ADCK1: variants seen among roughly 807,000 people sequenced by gnomAD.
The protein encoded by ADCK1 is aarF domain-containing protein kinase 1.
ADCK1 carries 41 observed loss-of-function variants against 52.3 expected under a neutral mutation model. The ratio of observed to expected loss-of-function variants is 0.78; its 90% CI spans 0.61 to 1.02. ADCK1 has a LOEUF of 1.02. Ranked by LOEUF, ADCK1 falls within the 50% of genes least tolerant of loss-of-function variation. The probability of loss-of-function intolerance (pLI) is 0.00; values close to 1 mark genes in which losing one functional copy is unlikely to be tolerated. For synonymous variants in ADCK1, 250 were observed against 274.6 expected (o/e 0.91, Z 0.89); for missense variants, 658 against 679.5 (o/e 0.97, Z 0.35).
At chr14:77,830,034 C>T (rs931294731) in intron 3 of ADCK1, among the ~76,000 whole-genome samples, 9 of 151,226 alleles carry the variant, frequency 6.0e-5, no homozygotes, top group South Asian at 2.1e-4. Context: ...GGACTCAAGG[C>T]CAGGTTTTAA....
intron 1 of ADCK1, among the ~76,000 whole-genome samples, chr14:77,815,411 T>A (rs2081426100): frequency 6.6e-6 from 1 of 151,970 alleles, no homozygotes; most frequent in Non-Finnish European, 1.5e-5. Context: ...CTCCCTTTTT[T>A]CTTCCCCAGG....
In ADCK1 at chr14:77,922,391, A is replaced by G. The variant is rs113157007; in HGVS notation, c.859-2066A>G. Among the ~76,000 whole-genome samples the G allele has an allele frequency of 2.6e-3, 403 of 152,354 alleles. 2 individuals carry two copies. Among genetic ancestry groups the G allele is most frequent in the African/African-American group, 9.3e-3 (385 of 41,584 alleles). On this transcript the variant is annotated intron_variant, in intron 7 of 10. Coordinates refer to ENST00000238561, the MANE Select transcript of ADCK1 (RefSeq NM_020421.4). ...GCAGGAGCTGGAGGGCTGGCGTGGT[A>G]GCGGGCATAGTGTCTTACATCTCTT...
intron 3 of ADCK1, among the ~76,000 whole-genome samples, chr14:77,852,881 GTGTATATA>G (rs1441085678): frequency 6.1e-4 from 18 of 29,602 alleles, no homozygotes; most frequent in South Asian, 3.0e-3. Context: ...TCTTTTATGT[GTGTATATA>G]TATATATATA....
intron 9 of ADCK1, among the ~76,000 whole-genome samples, chr14:77,930,343 G>T (rs546166363): frequency 6.6e-6 from 1 of 152,266 alleles, no homozygotes; most frequent in Admixed American, 6.5e-5. Flanking sequence ...GGAGAGGAGT[G>T]GGGTGGTAAA....
chr14:77,864,401 G>A (rs892221750), intron 4 of ADCK1, among the ~76,000 whole-genome samples: 1 of 152,222 alleles, frequency 6.6e-6, no homozygotes, highest in Non-Finnish European at 1.5e-5. Context: ...CACTGTAGGC[G>A]CAAGGACCAG....
chr14:77,916,521 T>G (rs981102939), intron 7 of ADCK1, among the ~76,000 whole-genome samples: 7 of 152,178 alleles, frequency 4.6e-5, no homozygotes, highest in Non-Finnish European at 1.0e-4. Context: ...TGGCACGATC[T>G]CAGCTCACCA....
intron 3 of ADCK1, among the ~76,000 whole-genome samples, chr14:77,844,738 G>T (rs999527086): frequency 2.6e-5 from 4 of 152,154 alleles, no homozygotes; most frequent in African/African-American, 9.7e-5. Flanking sequence ...TTGGAGTTGG[G>T]GCTAGAATTA....
At chr14:77,891,669 C>T (rs1347167856) in intron 5 of ADCK1, among the ~76,000 whole-genome samples, 1 of 152,122 alleles carries the variant, frequency 6.6e-6, no homozygotes, top group African/African-American at 2.4e-5. Context: ...GGGCTGGGAC[C>T]ACAAGGCAAA....
chr14:77,820,154 C>A (rs938072444), intron 2 of ADCK1, among the ~76,000 whole-genome samples: 3 of 152,052 alleles, frequency 2.0e-5, no homozygotes, highest in Non-Finnish European at 4.4e-5. Flanking sequence ...TTGAGGAATG[C>A]CTACATGAAT....
At chr14:77,824,548 C>T (rs113159757) in intron 3 of ADCK1, among the ~76,000 whole-genome samples, 4 of 151,688 alleles carry the variant, frequency 2.6e-5, no homozygotes, top group African/African-American at 9.7e-5. Flanking sequence ...ATTCTCCTCC[C>T]TCAGCCTCCC....
intron 3 of ADCK1, among the ~76,000 whole-genome samples, chr14:77,844,855 C>A (rs1309539668): frequency 6.6e-6 from 1 of 152,218 alleles, no homozygotes; most frequent in East Asian, 1.9e-4. Context: ...TTTGCAAACT[C>A]CACTTGATTA....
At chr14:77,819,842 T>C (rs138278614) in intron 2 of ADCK1, among the ~76,000 whole-genome samples, 149 of 152,318 alleles carry the variant, frequency 9.8e-4, no homozygotes, top group African/African-American at 3.3e-3. Context: ...CCCCTTCACG[T>C]AGATTCAATC....
chr14:77,899,036 A>G, intron 5 of ADCK1, 64 bp from the exon 6 acceptor site: 1 of 1,595,264 alleles, frequency 6.3e-7, no homozygotes, highest in South Asian at 1.1e-5. Context: ...CCAGGCAGGA[A>G]GGTAGGGAAT....
At chr14:77,855,972 C>T (rs997176553) in intron 3 of ADCK1, among the ~76,000 whole-genome samples, 2 of 152,032 alleles carry the variant, frequency 1.3e-5, no homozygotes, top group East Asian at 1.9e-4. Context: ...GGATTACACC[C>T]GCCAAGGTGG....
chr14:77,847,187 G>A (rs978658767), intron 3 of ADCK1, among the ~76,000 whole-genome samples: 17 of 152,306 alleles, frequency 1.1e-4, no homozygotes, highest in Admixed American at 9.8e-4. Context: ...GCTGATAACT[G>A]TGGTTGGAGG....
intron 7 of ADCK1, chr14:77,924,062 A>G (rs923264469): frequency 3.0e-5 from 5 of 167,898 alleles, no homozygotes; most frequent in African/African-American, 1.2e-4. Flanking sequence ...CCCTCAGCCC[A>G]GCTGTTCAGC....
chr14:77,872,887 C>G (rs1244159205), intron 4 of ADCK1, among the ~76,000 whole-genome samples: 1 of 152,074 alleles, frequency 6.6e-6, no homozygotes, highest in Non-Finnish European at 1.5e-5. Flanking sequence ...TATTGGCCAG[C>G]CTGGTCTCGA....
At chr14:77,860,691 A>T (rs1213361814) in intron 4 of ADCK1, among the ~76,000 whole-genome samples, 1 of 152,168 alleles carries the variant, frequency 6.6e-6, no homozygotes, top group Non-Finnish European at 1.5e-5. Flanking sequence ...GTCAGGAGAG[A>T]GGGACCCCAG....
At chr14:77,858,840 A>C (rs1351601706) in intron 3 of ADCK1, among the ~76,000 whole-genome samples, 2 of 152,138 alleles carry the variant, frequency 1.3e-5, no homozygotes, top group African/African-American at 4.8e-5. Context: ...GGAGATAGGA[A>C]GCACTGGGCC....
Sources: gnomAD v4.1 joint callset for allele counts (sites outside exome capture counted in the v4.1 genomes callset) on GRCh38, gnomAD v4.1.1 for gene constraint, MANE v1.5 for transcripts, NCBI Gene and HGNC (gene_info 2026-07-23, HGNC 2026-07-21) for gene names.